Variants in XKR4 observed in about 807,000 individuals in gnomAD.
XKR4 encodes XK-related protein 4.
Under a neutral mutation model 53.9 loss-of-function variants are expected in XKR4, and 12 were observed. That is an observed-to-expected ratio of 0.22 (90% confidence interval 0.14 to 0.36). The LOEUF is 0.36. Among genes scored for constraint, XKR4 ranks in the 10% least tolerant of loss-of-function variants. The pLI, the probability that XKR4 is intolerant of heterozygous loss-of-function variation, is 1.00. For missense variants in XKR4, 799 were observed against 859.5 expected, an observed-to-expected ratio of 0.93 and a Z score of 0.88; for synonymous variants, 354 against 362.4, an observed-to-expected ratio of 0.98 and a Z score of 0.26.
At chr8:55,230,501 TG>T (rs1818021095) in intron 1 of XKR4, among the ~76,000 whole-genome samples, 1 of 151,998 alleles carries the variant, frequency 6.6e-6, no homozygotes, top group Admixed American at 6.6e-5. Context: ...CCCGAGTAGC[TG>T]GGACTATGGC....
At chr8:55,453,355 C>A in intron 2 of XKR4, 1 of 468,576 alleles carries the variant, frequency 2.1e-6, no homozygotes. Context: ...AGTTCTGTTG[C>A]ACATGCAGGT....
intron 1 of XKR4, among the ~76,000 whole-genome samples, chr8:55,347,299 T>A (rs559854257): frequency 6.6e-6 from 1 of 152,328 alleles, no homozygotes; most frequent in South Asian, 2.1e-4. Context: ...AGAATTTAAA[T>A]GCAATTTACA....
intron 1 of XKR4, among the ~76,000 whole-genome samples, chr8:55,265,439 T>C (rs1248448024): frequency 6.6e-6 from 1 of 152,194 alleles, no homozygotes; most frequent in Non-Finnish European, 1.5e-5. Flanking sequence ...CATTCCAAAC[T>C]TGGTCCCTCA....
At chr8:55,489,673 A>G (rs1265781652) in intron 2 of XKR4, among the ~76,000 whole-genome samples, 1 of 152,140 alleles carries the variant, frequency 6.6e-6, no homozygotes, top group Non-Finnish European at 1.5e-5. Context: ...ATGTTTAAGT[A>G]TCTCGTAAGT....
chr8:55,321,691 T>A (rs921847900), intron 1 of XKR4, among the ~76,000 whole-genome samples: 7 of 152,182 alleles, frequency 4.6e-5, no homozygotes, highest in African/African-American at 1.4e-4. Flanking sequence ...ACCCACCACC[T>A]ATTAAAAACA....
At chr8:55,324,215 C>A (rs1370006177) in intron 1 of XKR4, among the ~76,000 whole-genome samples, 1 of 152,188 alleles carries the variant, frequency 6.6e-6, no homozygotes, top group Non-Finnish European at 1.5e-5. Context: ...CCCACCTCAG[C>A]CTCATGAGTA....
Position 55,195,426 on chromosome 8 carries a change from T to C in XKR4, c.806+92132T>C, listed in dbSNP as rs979291074. On this transcript the variant is annotated intron_variant, in intron 1 of 2. Transcript: ENST00000327381. ...ATCAATTAGTTTTTTAAATAAAATA[T>C]ACTATTATATATAACATATATTTTA... Among the ~76,000 whole-genome samples, 8 of 98,430 alleles carry C rather than the reference T, an allele frequency of 8.1e-5. 1 individual carries two copies. Among genetic ancestry groups the C allele is most frequent in the African/African-American group, 2.7e-4 (8 of 29,414 alleles). The allele number at this position is 98,430 out of a possible 152,430, so 64.6% of individuals were successfully genotyped here.
intron 2 of XKR4, among the ~76,000 whole-genome samples, chr8:55,462,393 G>T (rs1046988862): frequency 6.6e-6 from 1 of 152,098 alleles, no homozygotes; most frequent in Non-Finnish European, 1.5e-5. Context: ...AAGTGAAGGA[G>T]AAATAAAATA....
At chr8:55,440,351 G>T (rs987044168) in intron 2 of XKR4, among the ~76,000 whole-genome samples, 6 of 151,998 alleles carry the variant, frequency 3.9e-5, no homozygotes, top group Admixed American at 2.6e-4. Flanking sequence ...AAAGAGTAAT[G>T]GTATTAAAAC....
chr8:55,394,898 T>A (rs1804492721), intron 2 of XKR4, among the ~76,000 whole-genome samples: 1 of 152,222 alleles, frequency 6.6e-6, no homozygotes, highest in Non-Finnish European at 1.5e-5. Context: ...CATTTTGTAA[T>A]CACTTTGCAT....
At chr8:55,125,261 G>A (rs139525285) in intron 1 of XKR4, among the ~76,000 whole-genome samples, 55 of 151,316 alleles carry the variant, frequency 3.6e-4, no homozygotes, top group African/African-American at 1.1e-3. Context: ...ATGGAGTTTC[G>A]CCCTTGTCAC....
At chr8:55,185,013 C>G (rs561638145) in intron 1 of XKR4, among the ~76,000 whole-genome samples, 1 of 152,150 alleles carries the variant, frequency 6.6e-6, no homozygotes, top group Non-Finnish European at 1.5e-5. Context: ...TAACCTTATA[C>G]CATTTGAGGT....
intron 1 of XKR4, among the ~76,000 whole-genome samples, chr8:55,116,374 G>A (rs1472225266): frequency 1.3e-5 from 2 of 152,120 alleles, no homozygotes; most frequent in Non-Finnish European, 2.9e-5. Flanking sequence ...AAGAGTTCTG[G>A]TGAACAACCT....
At chr8:55,162,842 C>T (rs1299950231) in intron 1 of XKR4, among the ~76,000 whole-genome samples, 1 of 152,088 alleles carries the variant, frequency 6.6e-6, no homozygotes, top group Non-Finnish European at 1.5e-5. Context: ...ACTATATATG[C>T]ACATATGAAA....
intron 2 of XKR4, among the ~76,000 whole-genome samples, chr8:55,415,560 A>T (rs572706002): frequency 6.6e-6 from 1 of 152,202 alleles, no homozygotes; most frequent in Non-Finnish European, 1.5e-5. Flanking sequence ...ATCTGAATGT[A>T]TGTTAATGAA....
intron 1 of XKR4, among the ~76,000 whole-genome samples, chr8:55,262,040 A>C (rs1428561999): frequency 6.6e-6 from 1 of 152,210 alleles, no homozygotes. Flanking sequence ...GTTGAGACGA[A>C]CTTTTCCCAG....
rs1372726988 is a variant in XKR4, at chr8:55,541,753, C to T, written c.*17526C>T. The T allele has an allele frequency of 6.6e-6, 1 of 152,142 alleles. No individual in the cohort carries two copies. The allele number at this position is 152,142 out of a possible 1,614,324, so 9.4% of individuals were successfully genotyped here. A position where few individuals can be genotyped will look rare whatever the true frequency, so the allele number is the denominator to read the frequency against. ...AACTAGTTATTAAATTTGTTTCCTT[C>T]CTGTAAATATATATATTCAAATTCC... On this transcript the variant is annotated 3_prime_UTR_variant, in exon 3 of 3. Transcript: ENST00000327381.
intron 1 of XKR4, among the ~76,000 whole-genome samples, chr8:55,315,040 A>G (rs1213140985): frequency 6.6e-6 from 1 of 152,234 alleles, no homozygotes; most frequent in Non-Finnish European, 1.5e-5. Context: ...TTCATTACAA[A>G]TGATCTTTAA....
chr8:55,168,525 G>A (rs1045763542), intron 1 of XKR4, among the ~76,000 whole-genome samples: 21 of 152,136 alleles, frequency 1.4e-4, no homozygotes, highest in African/African-American at 5.1e-4. Flanking sequence ...AAGTCACTCT[G>A]GAAATGTCAC....
Sources: gnomAD v4.1 joint callset for allele counts (sites outside exome capture counted in the v4.1 genomes callset) on GRCh38, gnomAD v4.1.1 for gene constraint, MANE v1.5 for transcripts, NCBI Gene and HGNC (gene_info 2026-07-23, HGNC 2026-07-21) for gene names.